Variants in MDGA2 observed in about 807,000 individuals in gnomAD.
The protein encoded by MDGA2 is MAM domain-containing glycosylphosphatidylinositol anchor protein 2.
A neutral mutation model predicts 117.8 loss-of-function variants in MDGA2; 40 were observed. The ratio of observed to expected loss-of-function variants is 0.34; its 90% CI spans 0.26 to 0.44. MDGA2 has a LOEUF of 0.44. MDGA2 is among the 20% of genes least tolerant of loss of function. The pLI is 1.00. For missense variants in MDGA2, 1,123 were observed against 1,250.6 expected, an observed-to-expected ratio of 0.90 and a Z score of 1.54; for synonymous variants, 452 against 439.0, an observed-to-expected ratio of 1.03 and a Z score of -0.37.
At chr14:47,488,044 C>A (rs1179151123) in intron 1 of MDGA2, among the ~76,000 whole-genome samples, 1 of 152,112 alleles carries the variant, frequency 6.6e-6, no homozygotes, top group Non-Finnish European at 1.5e-5. Flanking sequence ...TAATGCTACA[C>A]AGCCCTGGGG....
At chr14:47,276,609 T>A (rs1566715808) in intron 2 of MDGA2, among the ~76,000 whole-genome samples, 1 of 151,948 alleles carries the variant, frequency 6.6e-6, no homozygotes, top group African/African-American at 2.4e-5. Context: ...TTATCTCTGA[T>A]AAAAAAAATT....
At chr14:47,084,344 A>C (rs1890816302) in intron 6 of MDGA2, among the ~76,000 whole-genome samples, 1 of 152,110 alleles carries the variant, frequency 6.6e-6, no homozygotes, top group East Asian at 1.9e-4. Context: ...AACACACTGA[A>C]CTGAATGAAA....
At chr14:47,304,852 GCTTATAATGTTCTCC>G (rs1023634874) in intron 1 of MDGA2, among the ~76,000 whole-genome samples, 10 of 152,048 alleles carry the variant, frequency 6.6e-5, no homozygotes, top group Non-Finnish European at 1.3e-4. Context: ...AAGTGTCTTT[GCTTATAATGTTCTCC>G]CATCTAAGAT....
At chr14:47,405,358 T>C (rs951183658) in intron 1 of MDGA2, among the ~76,000 whole-genome samples, 1 of 152,218 alleles carries the variant, frequency 6.6e-6, no homozygotes, top group Admixed American at 6.5e-5. Context: ...TGTACCATTC[T>C]GTCATATATA....
At chr14:47,642,041 G>A (rs1594958436) in intron 1 of MDGA2, among the ~76,000 whole-genome samples, 2 of 152,042 alleles carry the variant, frequency 1.3e-5, no homozygotes, top group Non-Finnish European at 2.9e-5. Context: ...AATGTGTAAC[G>A]TAGGAAAAAT....
At chr14:47,353,151 G>A (rs544355466) in intron 1 of MDGA2, among the ~76,000 whole-genome samples, 1 of 152,228 alleles carries the variant, frequency 6.6e-6, no homozygotes, top group South Asian at 2.1e-4. Flanking sequence ...TCTTCTGGGT[G>A]CACATGCACA....
At chr14:47,170,546 T>A (rs995722511) in intron 3 of MDGA2, among the ~76,000 whole-genome samples, 1 of 152,156 alleles carries the variant, frequency 6.6e-6, no homozygotes, top group Non-Finnish European at 1.5e-5. Context: ...AAGCAAAGAT[T>A]CAAGGATTAG....
Position 47,261,350 on chromosome 14 carries a change from G to A in MDGA2, c.420+40061C>T, listed in dbSNP as rs574804506. 2.9e-3 allele frequency among the ~76,000 whole-genome samples: 442 copies of A among 152,158 alleles called. 5 individuals carry two copies. Among genetic ancestry groups the A allele is most frequent in the Non-Finnish European group, 5.5e-3 (374 of 67,988 alleles). ...ACTAATTATCCCCTTTCCATCTCAA[G>A]CACATGGTCAAGAGTGAAATGTGAA... On this transcript the variant is annotated intron_variant, in intron 2 of 16. Transcript: ENST00000399232.
chr14:47,495,246 A>G (rs1054544921), intron 1 of MDGA2, among the ~76,000 whole-genome samples: 2 of 152,100 alleles, frequency 1.3e-5, no homozygotes, highest in South Asian at 4.1e-4. Context: ...GAGTGTAATA[A>G]TAGACACTGG....
At chr14:47,564,441 T>C (rs1895878035) in intron 1 of MDGA2, among the ~76,000 whole-genome samples, 1 of 152,170 alleles carries the variant, frequency 6.6e-6, no homozygotes, top group Non-Finnish European at 1.5e-5. Flanking sequence ...GTCACGTCTT[T>C]CACAGATGGC....
chr14:47,581,801 G>C (rs1001549238), intron 1 of MDGA2, among the ~76,000 whole-genome samples: 7 of 152,074 alleles, frequency 4.6e-5, no homozygotes, highest in African/African-American at 1.7e-4. Context: ...ACCATTATAA[G>C]TCTCTGAAAT....
At chr14:47,134,430 T>C (rs550142896) in intron 4 of MDGA2, among the ~76,000 whole-genome samples, 134 of 152,100 alleles carry the variant, frequency 8.8e-4, no homozygotes, top group Non-Finnish European at 1.8e-3. Context: ...AGAGAAAAAT[T>C]CCCTTACATT....
chr14:47,077,439 TG>T (rs1890536952), intron 6 of MDGA2, among the ~76,000 whole-genome samples: 1 of 152,150 alleles, frequency 6.6e-6, no homozygotes, highest in Admixed American at 6.5e-5. Context: ...TGTTATTTTT[TG>T]TTTTCTTTTG....
intron 9 of MDGA2, among the ~76,000 whole-genome samples, chr14:46,929,003 A>T (rs1413813068): frequency 1.3e-5 from 2 of 152,158 alleles, no homozygotes; most frequent in Admixed American, 1.3e-4. Flanking sequence ...TTCTTAGCTC[A>T]TGGGCCATAT....
chr14:47,260,980 C>T (rs900446654), intron 2 of MDGA2, among the ~76,000 whole-genome samples: 2 of 152,008 alleles, frequency 1.3e-5, no homozygotes, highest in African/African-American at 4.8e-5. Context: ...AAGTGGTTAG[C>T]ATTCTAGCCC....
At chr14:47,356,568 T>A (rs1265441719) in intron 1 of MDGA2, among the ~76,000 whole-genome samples, 1 of 152,100 alleles carries the variant, frequency 6.6e-6, no homozygotes, top group African/African-American at 2.4e-5. Context: ...CAGGGGAACA[T>A]TAACAACATG....
intron 12 of MDGA2, among the ~76,000 whole-genome samples, chr14:46,875,644 G>C (rs936829556): frequency 2.6e-5 from 4 of 151,654 alleles, no homozygotes; most frequent in Non-Finnish European, 5.9e-5. Context: ...GTGTAGCAGT[G>C]TATGCATTTA....
chr14:47,260,668 A>G (rs1887766140), intron 2 of MDGA2, among the ~76,000 whole-genome samples: 1 of 152,064 alleles, frequency 6.6e-6, no homozygotes, highest in Admixed American at 6.6e-5. Flanking sequence ...TCCCTGTAAT[A>G]TTTAGATCAG....
At chr14:47,114,004 A>G (rs1194499883) in intron 5 of MDGA2, among the ~76,000 whole-genome samples, 1 of 152,142 alleles carries the variant, frequency 6.6e-6, no homozygotes, top group Admixed American at 6.6e-5. Flanking sequence ...ACATCTAGAA[A>G]ACCCCATCAT....
Sources: allele counts gnomAD v4.1 joint callset (sites outside exome capture counted in the v4.1 genomes callset), GRCh38; gene constraint gnomAD v4.1.1; transcripts MANE v1.5; gene names NCBI Gene and HGNC (gene_info 2026-07-23, HGNC 2026-07-21).